MAP4K4: variants seen among roughly 807,000 people sequenced by gnomAD.
The protein encoded by MAP4K4 is mitogen-activated protein kinase kinase kinase kinase 4.
MAP4K4 carries 38 observed loss-of-function variants against 189.6 expected under a neutral mutation model. The observed-to-expected ratio is 0.20, with a 90% CI of 0.15 to 0.26. MAP4K4 has a LOEUF of 0.26. Ranked by LOEUF, MAP4K4 falls within the 10% of genes least tolerant of loss-of-function variation. The probability of loss-of-function intolerance (pLI) is 1.00; values close to 1 mark genes in which losing one functional copy is unlikely to be tolerated. For missense variants in MAP4K4, 1,054 were observed against 1,726.9 expected, an observed-to-expected ratio of 0.61 and a Z score of 6.91; for synonymous variants, 610 against 624.3, an observed-to-expected ratio of 0.98 and a Z score of 0.34.
At chr2:101,813,372 G>A (rs1340459851) in intron 3 of MAP4K4, among the ~76,000 whole-genome samples, 3 of 152,188 alleles carry the variant, frequency 2.0e-5, no homozygotes, top group Non-Finnish European at 4.4e-5. Context: ...AAAAGGAGCT[G>A]TAGCCGGGAC....
chr2:101,787,120 C>T (rs1320749532), intron 2 of MAP4K4, among the ~76,000 whole-genome samples: 2 of 152,106 alleles, frequency 1.3e-5, no homozygotes, highest in African/African-American at 2.4e-5. Context: ...AAAAAAGACC[C>T]TGTTAAATAT....
At chr2:101,804,811 GTGGCTTACGCC>G (rs972922674) in intron 3 of MAP4K4, among the ~76,000 whole-genome samples, 2 of 152,086 alleles carry the variant, frequency 1.3e-5, no homozygotes, top group Non-Finnish European at 2.9e-5. Context: ...GCCGGGTGCG[GTGGCTTACGCC>G]TGTAATCCCA....
chr2:101,757,501 T>C (rs928484621), intron 2 of MAP4K4, among the ~76,000 whole-genome samples: 3 of 152,144 alleles, frequency 2.0e-5, no homozygotes, highest in East Asian at 1.9e-4. Flanking sequence ...ATAAATCAGA[T>C]ATACAGTAAT....
At chr2:101,715,388 C>T (rs1028494727) in intron 2 of MAP4K4, among the ~76,000 whole-genome samples, 7 of 152,114 alleles carry the variant, frequency 4.6e-5, no homozygotes, top group Non-Finnish European at 8.8e-5. Context: ...TGGGGGATCA[C>T]GGTTTCAGCC....
At chr2:101,879,285 TTC>T (rs1491034229) in intron 27 of MAP4K4, among the ~76,000 whole-genome samples, 4 of 149,540 alleles carry the variant, frequency 2.7e-5, no homozygotes, top group African/African-American at 9.8e-5. Context: ...TTTTTTTTTT[TTC>T]CTTCCTTATT....
At chr2:101,714,924 T>C (rs770271332) in intron 2 of MAP4K4, among the ~76,000 whole-genome samples, 4 of 152,220 alleles carry the variant, frequency 2.6e-5, no homozygotes, top group Non-Finnish European at 2.9e-5. Flanking sequence ...TTTTCTTCTA[T>C]GAATCTCTCA....
At chr2:101,859,745 A>G (rs1235317065) in exon 15 of MAP4K4, 1 of 1,611,894 alleles carries the variant, frequency 6.2e-7, no homozygotes, top group Admixed American at 1.7e-5. Flanking sequence ...GCATGACCAT[A>G]GGAGGCCGCA....
chr2:101,752,569 C>T lies in MAP4K4; in HGVS notation c.124-38151C>T, dbSNP rs531810306. Reference sequence around the variant, plus strand: ...AGAAGTCACATAGTACTGGGAAGTTCCAGGGTAAAGGAGGGAAAGAAAGAG... The same window carrying T: ...AGAAGTCACATAGTACTGGGAAGTTTCAGGGTAAAGGAGGGAAAGAAAGAG... On this transcript the variant is annotated intron_variant, in intron 2 of 32. Coordinates refer to ENST00000324219, the Ensembl canonical transcript of MAP4K4. 2.6e-5 allele frequency among the ~76,000 whole-genome samples: 4 copies of T among 152,238 alleles called. No homozygotes were observed. In the East Asian group the frequency reaches 7.7e-4, roughly 29 times the overall value.
At position 101,860,995 on chromosome 2, in the gene MAP4K4, A is replaced by G; in HGVS notation, c.1866+9A>G. 1 of 1,585,676 alleles carries G rather than the reference A, an allele frequency of 6.3e-7. No individual in the cohort carries two copies. Among genetic ancestry groups the G allele is most frequent in the East Asian group, 2.3e-5 (1 of 43,828 alleles). On this transcript the variant is annotated intron_variant, in intron 16 of 32. Transcript: ENST00000324219. ...GACCAGCGGAGCCACAGGTAGCGACAGCCAGCTTTGCTGTGGTTGAGGAGA... is the reference window on the plus strand; with the variant it reads ...GACCAGCGGAGCCACAGGTAGCGACGGCCAGCTTTGCTGTGGTTGAGGAGA...
At chr2:101,846,152 T>C (rs1337491849) in intron 12 of MAP4K4, among the ~76,000 whole-genome samples, 1 of 152,250 alleles carries the variant, frequency 6.6e-6, no homozygotes, top group Non-Finnish European at 1.5e-5. Context: ...ACTTCGCTGC[T>C]TTTATAATGC....
At chr2:101,717,144 T>A (rs2048844425) in intron 2 of MAP4K4, among the ~76,000 whole-genome samples, 1 of 152,102 alleles carries the variant, frequency 6.6e-6, no homozygotes, top group Admixed American at 6.6e-5. Flanking sequence ...CTTTTGGTGC[T>A]CAAATACCTT....
At chr2:101,728,335 A>G (rs547194593) in intron 2 of MAP4K4, among the ~76,000 whole-genome samples, 3 of 152,290 alleles carry the variant, frequency 2.0e-5, no homozygotes, top group African/African-American at 7.2e-5. Flanking sequence ...CTAACAAATT[A>G]TGAAGCACTG....
chr2:101,733,203 C>G (rs554316487), intron 2 of MAP4K4, among the ~76,000 whole-genome samples: 1 of 152,328 alleles, frequency 6.6e-6, no homozygotes, highest in South Asian at 2.1e-4. Flanking sequence ...GGCCCCAACC[C>G]TGCAGGGTAC....
chr2:101,779,324 G>A (rs537942412), intron 2 of MAP4K4, among the ~76,000 whole-genome samples: 277 of 152,228 alleles, frequency 1.8e-3, no homozygotes, highest in Middle Eastern at 6.8e-3. Flanking sequence ...ATTATGCAGA[G>A]TAGTCAGGGA....
At chr2:101,714,224 A>G (rs908546728) in intron 2 of MAP4K4, among the ~76,000 whole-genome samples, 3 of 152,206 alleles carry the variant, frequency 2.0e-5, no homozygotes, top group Non-Finnish European at 2.9e-5. Context: ...ATTTTTTTCA[A>G]CTATTTATTA....
chr2:101,811,001 C>A (rs1403013541), intron 3 of MAP4K4, among the ~76,000 whole-genome samples: 1 of 152,170 alleles, frequency 6.6e-6, no homozygotes. Flanking sequence ...CTGAGCCTGG[C>A]AGGAAACGAG....
At chr2:101,718,569 G>T (rs1328400118) in intron 2 of MAP4K4, among the ~76,000 whole-genome samples, 1 of 126,914 alleles carries the variant, frequency 7.9e-6, no homozygotes, top group Non-Finnish European at 1.7e-5. Context: ...GAAGGTGGGG[G>T]TGGGGGGGTG....
chr2:101,858,000 C>CA (rs1204229875), intron 13 of MAP4K4, among the ~76,000 whole-genome samples: 1 of 151,786 alleles, frequency 6.6e-6, no homozygotes, highest in Non-Finnish European at 1.5e-5. Flanking sequence ...TTTCCCTGTC[C>CA]AAAAAAAGGA....
At chr2:101,866,305 A>T in intron 18 of MAP4K4, 123 bp from the exon 19 acceptor site, 1 of 773,258 alleles carries the variant, frequency 1.3e-6, no homozygotes, top group Non-Finnish European at 2.0e-6. Flanking sequence ...TGCTGTTTAT[A>T]GACTGTTTTT....
Sources: allele counts gnomAD v4.1 joint callset (sites outside exome capture counted in the v4.1 genomes callset), GRCh38; gene constraint gnomAD v4.1.1; transcripts MANE v1.5; gene names NCBI Gene and HGNC (gene_info 2026-07-23, HGNC 2026-07-21).